The following AOPEP variants were observed in gnomAD, a reference collection of about 807,000 sequenced individuals.
AOPEP encodes the protein aminopeptidase O.
AOPEP carries 77 observed loss-of-function variants against 98.1 expected under a neutral mutation model. The ratio of observed to expected loss-of-function variants is 0.78; its 90% confidence interval spans 0.65 to 0.95. The LOEUF (loss-of-function observed/expected upper bound fraction) is 0.95. AOPEP is among the 40% of genes least tolerant of loss of function. AOPEP has a pLI of 0.00. For missense variants in AOPEP, 1,024 were observed against 1,024.7 expected (o/e 1.00, Z 0.01); for synonymous variants, 346 against 365.3 (o/e 0.95, Z 0.60).
chr9:94,837,082 A>T (rs902042675), intron 5 of AOPEP, among the ~76,000 whole-genome samples: 2 of 152,214 alleles, frequency 1.3e-5, no homozygotes, highest in African/African-American at 4.8e-5. Flanking sequence ...AGATGTTACA[A>T]CCAACACCAC....
At chr9:94,975,846 G>A (rs551550418) in intron 10 of AOPEP, among the ~76,000 whole-genome samples, 2 of 152,310 alleles carry the variant, frequency 1.3e-5, no homozygotes, top group East Asian at 1.9e-4. Flanking sequence ...CAGAGTCCCC[G>A]CAGGACCCGC....
chr9:95,086,195 CG>C, intron 16 of AOPEP: 1 of 1,298,706 alleles, frequency 7.7e-7, no homozygotes, highest in Non-Finnish European at 1.0e-6. Context: ...GCGTCCACCC[CG>C]GCCCGGCGGC....
intron 5 of AOPEP, among the ~76,000 whole-genome samples, chr9:94,846,273 C>G (rs1447487025): frequency 6.6e-6 from 1 of 151,964 alleles, no homozygotes; most frequent in Non-Finnish European, 1.5e-5. Flanking sequence ...CAGTGGTGTG[C>G]GGACTGAGCT....
intron 5 of AOPEP, among the ~76,000 whole-genome samples, chr9:94,813,123 T>A (rs1451066200): frequency 6.6e-6 from 1 of 152,182 alleles, no homozygotes; most frequent in Non-Finnish European, 1.5e-5. Flanking sequence ...GTTGTTAAGC[T>A]ATAGGGTGGG....
intron 3 of AOPEP, among the ~76,000 whole-genome samples, chr9:94,776,606 C>T (rs943664437): frequency 1.2e-4 from 18 of 152,154 alleles, no homozygotes; most frequent in Non-Finnish European, 1.2e-4. Context: ...CCGACCTTTC[C>T]TCATTATGTT....
chr9:95,125,132 A>T, the AOPEP span: 1 of 1,614,208 alleles, frequency 6.2e-7, no homozygotes. Context: ...CTGCGTAAAC[A>T]CCTGAATAGT....
At chr9:94,870,434 C>G (rs977844312) in intron 5 of AOPEP, among the ~76,000 whole-genome samples, 1 of 152,184 alleles carries the variant, frequency 6.6e-6, no homozygotes, top group African/African-American at 2.4e-5. Flanking sequence ...TACATACATT[C>G]AAATCCCATT....
intron 16 of AOPEP, 134 bp downstream of exon 16, chr9:95,082,853 T>G: frequency 9.6e-7 from 1 of 1,039,014 alleles, no homozygotes; most frequent in Middle Eastern, 2.8e-4. Context: ...GCCCAGGGCC[T>G]GGAGAGTAAC....
intron 5 of AOPEP, among the ~76,000 whole-genome samples, chr9:94,863,280 C>CTTTT (rs11299544): frequency 3.3e-5 from 3 of 91,598 alleles, no homozygotes; most frequent in African/African-American, 1.0e-4. Flanking sequence ...CTCTTTTTCT[C>CTTTT]TTTTTTTTTT....
chr9:95,008,450 G>A (rs1211842134), intron 13 of AOPEP, among the ~76,000 whole-genome samples: 1 of 152,224 alleles, frequency 6.6e-6, no homozygotes, highest in Non-Finnish European at 1.5e-5. Context: ...GAGCTACACG[G>A]TAGAACGGCA....
In AOPEP at chr9:94,930,718, C is replaced by T. The variant is rs752765469; in HGVS notation, c.1661+2187C>T. Among the ~76,000 whole-genome samples the T allele has an allele frequency of 5.3e-5, 8 of 151,440 alleles. No homozygotes were observed. The highest frequency in any genetic ancestry group is 4.2e-4 in the South Asian group (2 of 4,760). ...AAGCTGCCTGGGGGATGAAGAGGGG[C>T]GAAAGAGAGAGAAGTGGGACTACAT... On this transcript the variant is annotated intron_variant, in intron 7 of 16. Transcript: ENST00000375315. The surrounding 1 kb of genome is among the most constrained non-coding windows in gnomAD (Gnocchi z 4.5).
intron 1 of AOPEP, among the ~76,000 whole-genome samples, chr9:94,756,999 T>C (rs1211686819): frequency 6.6e-6 from 1 of 152,218 alleles, no homozygotes; most frequent in Non-Finnish European, 1.5e-5. Flanking sequence ...TTGGTCTGCC[T>C]TTGCCATATC....
downstream of AOPEP, among the ~76,000 whole-genome samples, chr9:95,087,633 C>T (rs1041943406): frequency 4.6e-5 from 7 of 151,894 alleles, no homozygotes; most frequent in African/African-American, 7.3e-5. Flanking sequence ...AATTTGGCTG[C>T]GCGTGGGGCA....
the AOPEP span, chr9:95,149,977 G>A: frequency 3.7e-6 from 6 of 1,612,950 alleles, no homozygotes; most frequent in African/African-American, 8.0e-5. Context: ...GATTTCCTGA[G>A]GTTCACGTCC....
intron 11 of AOPEP, among the ~76,000 whole-genome samples, chr9:94,994,414 C>CTA (rs2061092166): frequency 6.6e-6 from 1 of 152,152 alleles, no homozygotes; most frequent in Admixed American, 6.5e-5. Context: ...GCAGAAAAGG[C>CTA]TATATACTAA....
the AOPEP span, among the ~76,000 whole-genome samples, chr9:95,093,740 C>T: frequency 6.6e-6 from 1 of 152,080 alleles, no homozygotes; most frequent in East Asian, 1.9e-4. Context: ...TCACACGGGT[C>T]TAGATTGGCA....
At chr9:94,901,332 A>C (rs1412370655) in intron 5 of AOPEP, among the ~76,000 whole-genome samples, 2 of 152,174 alleles carry the variant, frequency 1.3e-5, no homozygotes, top group African/African-American at 4.8e-5. Context: ...TATTTTTTCA[A>C]TGTAGCGGCT....
intron 13 of AOPEP, among the ~76,000 whole-genome samples, chr9:95,030,981 G>T (rs1435533566): frequency 6.6e-6 from 1 of 152,188 alleles, no homozygotes; most frequent in African/African-American, 2.4e-5. Context: ...AATCCTGAAA[G>T]AAGTATAACT....
At chr9:95,051,089 CTTTTTTT>C (rs34143867) in intron 13 of AOPEP, among the ~76,000 whole-genome samples, 2 of 129,946 alleles carry the variant, frequency 1.5e-5, no homozygotes, top group African/African-American at 5.7e-5. Flanking sequence ...TTGTGGCTTA[CTTTTTTT>C]TTTTTTTTTT....
Sources: gnomAD v4.1 joint callset for allele counts (sites outside exome capture counted in the v4.1 genomes callset) on GRCh38, gnomAD v4.1.1 for gene constraint, Gnocchi (gnomAD v3.1) non-coding constraint, MANE v1.5 for transcripts, NCBI Gene and HGNC (gene_info 2026-07-23, HGNC 2026-07-21) for gene names.